ANK2: variants seen among roughly 807,000 people sequenced by gnomAD.
ANK2 encodes the protein ankyrin-2.
Under a neutral mutation model 360.5 loss-of-function variants are expected in ANK2, and 83 were observed. The ratio of observed to expected loss-of-function variants is 0.23; its 90% CI spans 0.19 to 0.28. ANK2 has a LOEUF of 0.28. Ranked by LOEUF, ANK2 falls within the 10% of genes least tolerant of loss-of-function variation. ANK2 has a pLI of 1.00. For missense variants in ANK2, 4,201 were observed against 4,795.7 expected, an observed-to-expected ratio of 0.88 and a Z score of 3.66; for synonymous variants, 1,740 against 1,759.5, an observed-to-expected ratio of 0.99 and a Z score of 0.28.
At chr4:112,930,394 A>G (rs1193616373) in intron 2 of ANK2, among the ~76,000 whole-genome samples, 1 of 151,470 alleles carries the variant, frequency 6.6e-6, no homozygotes, top group African/African-American at 2.4e-5. Flanking sequence ...GGCTATGGTG[A>G]GCTGAGATCA....
intron 23 of ANK2, among the ~76,000 whole-genome samples, chr4:113,309,894 T>G (rs2079040168): frequency 6.6e-6 from 1 of 152,216 alleles, no homozygotes; most frequent in South Asian, 2.1e-4. Context: ...AATATATTCT[T>G]CAAATGTCTT....
intron 2 of ANK2, among the ~76,000 whole-genome samples, chr4:113,005,063 A>G (rs972072911): frequency 1.3e-5 from 2 of 152,260 alleles, no homozygotes; most frequent in African/African-American, 2.4e-5. Flanking sequence ...ATGAATCAAG[A>G]GTTTCTGCAT....
intron 1 of ANK2, chr4:113,146,118 A>G: frequency 1.8e-6 from 2 of 1,140,208 alleles, no homozygotes; most frequent in Non-Finnish European, 2.3e-6. Flanking sequence ...GAATAAAGCC[A>G]ATGTGATCAA....
the ANK2 span, among the ~76,000 whole-genome samples, chr4:112,766,070 C>T: frequency 1.3e-5 from 2 of 152,198 alleles, no homozygotes; most frequent in Non-Finnish European, 2.9e-5. Context: ...CACAGTGGTT[C>T]ATGCCTGTAA....
At chr4:113,107,564 A>G (rs1029380817) in intron 1 of ANK2, among the ~76,000 whole-genome samples, 3 of 152,150 alleles carry the variant, frequency 2.0e-5, no homozygotes, top group Non-Finnish European at 4.4e-5. Flanking sequence ...GTGTGAGCTT[A>G]TTAATGATGC....
intron 5 of ANK2, among the ~76,000 whole-genome samples, chr4:113,235,985 G>A (rs1021417273): frequency 2.0e-5 from 3 of 151,394 alleles, no homozygotes; most frequent in East Asian, 1.9e-4. Flanking sequence ...TGATCTGCCC[G>A]CCTCGGCCTC....
At chr4:113,130,722 T>C (rs2095968662) in intron 1 of ANK2, among the ~76,000 whole-genome samples, 2 of 152,316 alleles carry the variant, frequency 1.3e-5, no homozygotes, top group South Asian at 4.1e-4. Context: ...TAGGTTTCTA[T>C]ATCACATCAT....
chr4:113,260,387 A>G (rs1365904240), intron 13 of ANK2, among the ~76,000 whole-genome samples: 1 of 152,198 alleles, frequency 6.6e-6, no homozygotes, highest in Non-Finnish European at 1.5e-5. Context: ...TTCAGCTTCC[A>G]ACTGTTGGTC....
chr4:113,174,345 C>A, intron 1 of ANK2, 71 bp from the exon 2 acceptor site: 3 of 1,299,810 alleles, frequency 2.3e-6, no homozygotes, highest in Non-Finnish European at 3.3e-6. Context: ...TGTAAACATT[C>A]TTGTCTTTCT....
the ANK2 span, among the ~76,000 whole-genome samples, chr4:112,750,143 G>A: frequency 1.3e-5 from 2 of 152,084 alleles, no homozygotes; most frequent in Admixed American, 6.5e-5. Context: ...TGCAATCACA[G>A]CTCACTGGCT....
Position 113,358,825 on chromosome 4 carries a change from T to C in ANK2, c.10207T>C (p.Cys3403Arg). The C allele has an allele frequency of 1.2e-6, 2 of 1,613,990 alleles. No individual in the cohort carries two copies. Among genetic ancestry groups the C allele is most frequent in the East Asian group, 2.2e-5 (1 of 44,866 alleles). Residue 3403 changes from cysteine (C) to arginine (R), a missense_variant, in exon 38 of 46, where the codon TGC becomes CGC. Physicochemically the swap from Cys to Arg is radical, Grantham distance 180. Transcript: ENST00000357077. ...DASSLDSKTK[C>R]PVKTRSYTET... is the part of the protein sequence containing the mutation. ...TAGTTCTTTGGATTCAAAGACCAAA[T>C]GCCCAGTAAAAACCCGAAGTTACAC...
In ANK2 at chr4:113,357,679, G is replaced by C. The variant is rs74348333; in HGVS notation, c.9061G>C (p.Ala3021Pro). The C allele has an allele frequency of 6.2e-7, 1 of 1,614,014 alleles. No individual in the cohort carries two copies. Among genetic ancestry groups the C allele is most frequent in the Non-Finnish European group, 8.5e-7 (1 of 1,179,996 alleles). Residue 3021 changes from alanine (A) to proline (P), a missense_variant, in exon 38 of 46, where the codon GCT (alanine) becomes CCT (proline). Transcript: ENST00000357077. ...VSSSFEPTMS[A>P]TTTVVGEQIS... ...TTCATCTTTCGAGCCTACTATGTCCGCTACAACAACAGTTGTTGGTGAACA... is the reference window on the plus strand; with the variant it reads ...TTCATCTTTCGAGCCTACTATGTCCCCTACAACAACAGTTGTTGGTGAACA...
chr4:113,292,974 C>G (rs2068627829), intron 21 of ANK2: 1 of 351,790 alleles, frequency 2.8e-6, no homozygotes, highest in Non-Finnish European at 5.6e-6. Context: ...AATTGCTTGC[C>G]TGTGTTATTT....
chr4:113,273,515 T>C (rs993349606), intron 14 of ANK2, among the ~76,000 whole-genome samples: 17 of 152,240 alleles, frequency 1.1e-4, no homozygotes, highest in South Asian at 2.1e-4. Flanking sequence ...TGGATAGATC[T>C]TTCTTCCTCT....
At chr4:113,135,635 T>A (rs541002966) in intron 1 of ANK2, among the ~76,000 whole-genome samples, 1 of 152,264 alleles carries the variant, frequency 6.6e-6, no homozygotes, top group Non-Finnish European at 1.5e-5. Context: ...ACTCTCCATA[T>A]GTTTATAGTG....
rs191691024 is a variant in ANK2, at chr4:113,373,588, C to T, written c.11859+139C>T. The stretch of plus-strand genomic sequence containing the variant: ...CAGTTTGCTCTTAGTTGCACATTCA[C>T]CTTTTTGTTTTCATGATTCTATGTG... On this transcript the variant is annotated intron_variant, in intron 45 of 45. Coordinates refer to ENST00000357077, the MANE Select transcript of ANK2 (RefSeq NM_001148.6). 92 of 923,358 alleles carry T rather than the reference C, an allele frequency of 1.0e-4. 1 individual carries two copies. The Admixed American group carries it at 1.4e-3, about 14-fold the overall frequency. 57.2% of individuals were successfully genotyped at this position (923,358 alleles called of 1,614,324 possible). A position where few individuals can be genotyped will look rare whatever the true frequency, so the allele number is the denominator to read the frequency against.
intron 11 of ANK2, among the ~76,000 whole-genome samples, chr4:113,257,054 T>C (rs868730390): frequency 6.6e-6 from 1 of 152,244 alleles, no homozygotes; most frequent in Non-Finnish European, 1.5e-5. Flanking sequence ...CAATTAATTA[T>C]GTTTATCACT....
chr4:112,969,685 A>T (rs896448238), intron 2 of ANK2, among the ~76,000 whole-genome samples: 1 of 152,198 alleles, frequency 6.6e-6, no homozygotes, highest in Non-Finnish European at 1.5e-5. Flanking sequence ...ATTTTAGGAT[A>T]TCTTGTTTAT....
intron 1 of ANK2, among the ~76,000 whole-genome samples, chr4:112,842,233 A>C (rs6814192): frequency 0.71 from 107,436 of 152,008 alleles, 38,548 homozygotes; most frequent in East Asian, 0.97. Flanking sequence ...TTGTCTCGAA[A>C]TCCTGACCTC....
Sources: gnomAD v4.1 joint callset for allele counts (sites outside exome capture counted in the v4.1 genomes callset) on GRCh38, gnomAD v4.1.1 for gene constraint, MANE v1.5 for transcripts, NCBI Gene and HGNC (gene_info 2026-07-23, HGNC 2026-07-21) for gene names.